The following CDK5RAP3 variants were observed in gnomAD, a reference collection of about 807,000 sequenced individuals.
CDK5RAP3 encodes CDK5 regulatory subunit associated protein 3.
CDK5RAP3 carries 58 observed loss-of-function variants against 73.3 expected under a neutral mutation model. The observed-to-expected ratio is 0.79, with a 90% CI of 0.64 to 0.98. CDK5RAP3 has a LOEUF of 0.98. Ranked by LOEUF, CDK5RAP3 falls within the 50% of genes least tolerant of loss-of-function variation. The pLI is 0.00. For synonymous variants in CDK5RAP3, 224 were observed against 247.5 expected (o/e 0.91, Z 0.89); for missense variants, 525 against 615.8 (o/e 0.85, Z 1.56).
chr17:47,974,096 C>CAGAGAGACCACAGAGGCTA, intron 4 of CDK5RAP3, 65 bp downstream of exon 4: 5 of 1,137,084 alleles, frequency 4.4e-6, no homozygotes, highest in Non-Finnish European at 6.7e-6. Context: ...GTCATAGCCT[C>CAGAGAGACCACAGAGGCTA]TGTGGTCTCT....
At position 47,976,693 on chromosome 17, in the gene CDK5RAP3, A is replaced by C. The variant is rs569241503; in HGVS notation, c.799-19A>C. On this transcript the variant is annotated intron_variant, in intron 8 of 13. Coordinates refer to ENST00000338399, the MANE Select transcript of CDK5RAP3 (RefSeq NM_176096.3). ...TTAAATCCATCTTCCATGAGCTAAC[A>C]CTCTCTTTCCCTTTCCAGATTGACT... The C allele has an allele frequency of 1.9e-6, 3 of 1,545,274 alleles. No individual in the cohort carries two copies. The highest frequency in any genetic ancestry group is 2.7e-5 in the African/African-American group (2 of 73,258).
At chr17:47,971,089 A>G, upstream of CDK5RAP3, 2 of 1,551,432 alleles carry the variant, frequency 1.3e-6, no homozygotes, top group Admixed American at 2.0e-5. Flanking sequence ...ACGCCACTGG[A>G]TTGGTGGTAG....
At chr17:47,978,081 T>TTC in intron 10 of CDK5RAP3, 171 bp downstream of exon 10, 1 of 552,716 alleles carries the variant, frequency 1.8e-6, no homozygotes, top group Non-Finnish European at 3.2e-6. Flanking sequence ...TTTTTTTTTT[T>TTC]TTTTGGAGAC....
chr17:47,971,004 C>A (rs555638980), upstream of CDK5RAP3: 4 of 1,505,140 alleles, frequency 2.7e-6, no homozygotes, highest in East Asian at 9.8e-5. Flanking sequence ...GGAGCGTAAA[C>A]CCTGATTGGC....
intron 1 of CDK5RAP3, 26 bp from the exon 2 acceptor site, chr17:47,971,336 C>T (rs1433602354): frequency 3.1e-6 from 5 of 1,606,970 alleles, no homozygotes; most frequent in Non-Finnish European, 4.2e-6. Context: ...CGCTCACGCC[C>T]CCCTCCTCAC....
intron 1 of CDK5RAP3, 79 bp from the exon 2 acceptor site, chr17:47,971,283 T>C: frequency 6.4e-7 from 1 of 1,550,984 alleles, no homozygotes; most frequent in Non-Finnish European, 8.7e-7. Context: ...GGGTGGTGGT[T>C]GGGACGTTGA....
chr17:47,969,682 C>T (rs1401726836), upstream of CDK5RAP3, among the ~76,000 whole-genome samples: 1 of 152,054 alleles, frequency 6.6e-6, no homozygotes, highest in Non-Finnish European at 1.5e-5. Flanking sequence ...TCAGACTCTC[C>T]CTTAGCTTCA....
At chr17:47,980,961 A>T in intron 12 of CDK5RAP3, 163 bp downstream of exon 12, 1 of 865,242 alleles carries the variant, frequency 1.2e-6, no homozygotes, top group Admixed American at 2.6e-5. Context: ...GAGGTTTCAC[A>T]TATACAGGAA....
intron 2 of CDK5RAP3, among the ~76,000 whole-genome samples, chr17:47,971,704 T>G (rs2036273027): frequency 6.6e-6 from 1 of 152,090 alleles, no homozygotes; most frequent in African/African-American, 2.4e-5. Flanking sequence ...GCGCGGTGGC[T>G]CATGCCTGTA....
intron 2 of CDK5RAP3, among the ~76,000 whole-genome samples, chr17:47,971,890 G>C (rs2036278993): frequency 6.6e-6 from 1 of 152,164 alleles, no homozygotes; most frequent in South Asian, 2.1e-4. Flanking sequence ...AGCTACTCGG[G>C]AGGCTGAGGT....
rs1158958240 is a variant in CDK5RAP3, at chr17:47,981,566, G to A, written c.*64G>A. The A allele has an allele frequency of 6.2e-7, 1 of 1,613,814 alleles. No individual in the cohort carries two copies. Among genetic ancestry groups the A allele is most frequent in the Non-Finnish European group, 8.5e-7 (1 of 1,179,976 alleles). ...TGGGATGAAGATGATAGCCAGGGCT[G>A]TTGTTTTGGGGCCCTTCAAGGCAAA... On this transcript the variant is annotated 3_prime_UTR_variant, in exon 14 of 14. Transcript: ENST00000338399.
chr17:47,970,257 C>T (rs767539488), upstream of CDK5RAP3, among the ~76,000 whole-genome samples: 3 of 152,188 alleles, frequency 2.0e-5, no homozygotes, highest in Non-Finnish European at 4.4e-5. Flanking sequence ...ACAGCCTCTC[C>T]TCTAGCCACT....
Position 47,981,064 on chromosome 17 carries a change from T to A in CDK5RAP3, c.1284-99T>A, listed in dbSNP as rs567920348. 1.2e-4 allele frequency: 153 copies of A among 1,320,310 alleles called. No individual in the cohort carries two copies. The Middle Eastern group carries it at 1.7e-3, about 15-fold the overall frequency. 81.8% of individuals were successfully genotyped at this position (1,320,310 alleles called of 1,614,324 possible). On this transcript the variant is annotated intron_variant, in intron 12 of 13. Coordinates refer to ENST00000338399, the MANE Select transcript of CDK5RAP3 (RefSeq NM_176096.3). ...AAGGATGTGAGGGTAAGCGGCCAGT[T>A]GGGGGTTTGGTTTCCCGAGCCTCTC... is the stretch of plus-strand genomic sequence containing the variant.
At position 47,977,242 on chromosome 17, in the gene CDK5RAP3, G is replaced by A. The variant is rs368698329; in HGVS notation, c.909+420G>A. Among the ~76,000 whole-genome samples the A allele has an allele frequency of 3.9e-4, 60 of 152,216 alleles. 1 individual carries two copies. The highest frequency in any genetic ancestry group is 1.3e-3 in the Admixed American group (20 of 15,296). On this transcript the variant is annotated intron_variant, in intron 9 of 13. Coordinates refer to ENST00000338399, the MANE Select transcript of CDK5RAP3 (RefSeq NM_176096.3). ...TGGCTCACTGCAACCTCTGCCTCCC[G>A]GGTTCACGCCATTCTCCTGCCTCAG...
Position 47,981,242 on chromosome 17 carries a change from G to A in CDK5RAP3, c.1363G>A (p.Val455Met), listed in dbSNP as rs765150083. 1.2e-6 allele frequency: 2 copies of A among 1,614,122 alleles called. No individual in the cohort carries two copies. Among genetic ancestry groups the A allele is most frequent in the African/African-American group, 2.7e-5 (2 of 74,946 alleles). The change falls in exon 13 of 14, where the codon GTG (valine) becomes ATG (methionine). Residue 455 changes from valine to methionine, a missense_variant. Physicochemically the swap from Val to Met is conservative, Grantham distance 21. Coordinates refer to ENST00000338399, the MANE Select transcript of CDK5RAP3 (RefSeq NM_176096.3). ...QLLALKKELM[V>M]QKQQEALEEQ... is the part of the protein sequence containing the mutation. ...GCTGGCTTTGAAGAAAGAGCTGATG[G>A]TGCAGAAGCAGCAGGAGGCACTTGA...
chr17:47,976,028 G>A lies in CDK5RAP3; in HGVS notation c.798+15G>A. On this transcript the variant is annotated intron_variant, in intron 8 of 13. Transcript: ENST00000338399. Reference sequence around the variant, plus strand: ...CAGAAGATGCGGTAAGATGGGCCTTGTGATGAGCTGTAGGAGTGGAGTGGG... The same window carrying A: ...CAGAAGATGCGGTAAGATGGGCCTTATGATGAGCTGTAGGAGTGGAGTGGG... 6.2e-7 allele frequency: 1 copy of A among 1,612,922 alleles called. No homozygotes were observed. The highest frequency in any genetic ancestry group is 8.5e-7 in the Non-Finnish European group (1 of 1,179,548).
In CDK5RAP3 at chr17:47,974,051, C is replaced by T. The variant is rs35766594; in HGVS notation, c.285+20C>T. On this transcript the variant is annotated intron_variant, in intron 4 of 13. Transcript: ENST00000338399. ...ATGAAGGCAAGTGTGGGCCAAGGGCCGGTAGTATGTGGTTGGGGACATCCA... is the reference window on the plus strand; with the variant it reads ...ATGAAGGCAAGTGTGGGCCAAGGGCTGGTAGTATGTGGTTGGGGACATCCA... 7,082 of 1,554,768 alleles carry T rather than the reference C, an allele frequency of 4.6e-3. 253 individuals are homozygous for T. In the African/African-American group the frequency reaches 0.085, roughly 19 times the overall value.
rs752025669 is a variant in CDK5RAP3 at position 47,976,789 on chromosome 17, C to T, written c.876C>T (p.Ile292=). 6.8e-6 allele frequency: 11 copies of T among 1,610,974 alleles called. No homozygotes were observed. The highest frequency in any genetic ancestry group is 3.4e-5 in the Admixed American group (2 of 59,550). Reference sequence around the variant, plus strand: ...GCATCTCTGCCGAGGCTGCTGGAATCGACTGGGGCATCTTCCCGGAATCAG... The same window carrying T: ...GCATCTCTGCCGAGGCTGCTGGAATTGACTGGGGCATCTTCCCGGAATCAG... ...DSGISAEAAG[I]DWGIFPESDS... Residue 292 remains isoleucine, a synonymous_variant, in exon 9 of 14, where the codon ATC becomes ATT. Coordinates refer to ENST00000338399, the MANE Select transcript of CDK5RAP3 (RefSeq NM_176096.3).
rs750476302 is a variant in CDK5RAP3 at position 47,971,388 on chromosome 17, C to A, written c.33C>A (p.Ile11=). The change falls in exon 2 of 14, where the codon ATC becomes ATA. Residue 11 remains isoleucine (I), a synonymous_variant. Transcript: ENST00000338399. MEDHQHVPID[I]QTSKLLDWLV... is the part of the protein sequence containing the mutation. ...ACCATCAGCACGTGCCCATCGACAT[C>A]CAGACCAGCAAGCTGCTCGGTAGGA... The A allele has an allele frequency of 6.2e-7, 1 of 1,609,724 alleles. No homozygotes were observed. Among genetic ancestry groups the A allele is most frequent in the Non-Finnish European group, 8.5e-7 (1 of 1,178,198 alleles).
Sources: allele counts gnomAD v4.1 joint callset (sites outside exome capture counted in the v4.1 genomes callset), GRCh38; gene constraint gnomAD v4.1.1; transcripts MANE v1.5; gene names NCBI Gene and HGNC (gene_info 2026-07-23, HGNC 2026-07-21).